Variants in CHST8 observed in about 807,000 individuals in gnomAD.
CHST8 encodes carbohydrate sulfotransferase 8, also known as GALNAC-4-ST1.
Under a neutral mutation model 15.0 loss-of-function variants are expected in CHST8, and 10 were observed. The ratio of observed to expected loss-of-function variants is 0.67; its 90% CI spans 0.41 to 1.13. The LOEUF (loss-of-function observed/expected upper bound fraction) is 1.13. Among genes scored for constraint, CHST8 ranks in the 50% most tolerant of loss-of-function variants. The pLI is 0.00. For missense variants in CHST8, 634 were observed against 608.2 expected (o/e 1.04, Z -0.45); for synonymous variants, 259 against 256.6 (o/e 1.01, Z -0.09).
chr19:33,650,508 T>TTTTCTTTTC (rs1307705596), intron 1 of CHST8, among the ~76,000 whole-genome samples: 1 of 94,408 alleles, frequency 1.1e-5, no homozygotes, highest in African/African-American at 5.5e-5. Context: ...TTTCTTTTTC[T>TTTTCTTTTC]TTTTCTTTTC....
intron 1 of CHST8, among the ~76,000 whole-genome samples, chr19:33,637,991 C>T (rs1972227668): frequency 6.6e-6 from 1 of 151,936 alleles, no homozygotes; most frequent in East Asian, 2.0e-4. Flanking sequence ...AAAGGCTGCG[C>T]CCAAATGAGA....
chr19:33,704,504 G>A (rs1035315554), intron 3 of CHST8, among the ~76,000 whole-genome samples: 1 of 152,244 alleles, frequency 6.6e-6, no homozygotes, highest in African/African-American at 2.4e-5. Flanking sequence ...TGGACAGACA[G>A]GCCCCAGGGC....
chr19:33,640,958 A>G (rs1384216601), intron 1 of CHST8, among the ~76,000 whole-genome samples: 2 of 151,990 alleles, frequency 1.3e-5, no homozygotes, highest in Non-Finnish European at 2.9e-5. Flanking sequence ...GCCCAAAGTC[A>G]CACCCCATCC....
intron 3 of CHST8, among the ~76,000 whole-genome samples, chr19:33,716,502 G>A (rs1973668189): frequency 6.6e-6 from 1 of 152,160 alleles, no homozygotes; most frequent in Non-Finnish European, 1.5e-5. Flanking sequence ...CAGTAGCTGG[G>A]ACTACAGGTG....
chr19:33,762,094 C>T (rs1032094619), intron 3 of CHST8, among the ~76,000 whole-genome samples: 6 of 152,332 alleles, frequency 3.9e-5, no homozygotes, highest in African/African-American at 1.4e-4. Context: ...CACACCTGAT[C>T]CCATGCGACA....
At chr19:33,771,485 A>T (rs1422728312) in intron 4 of CHST8, 35 bp downstream of exon 4, 1 of 1,609,956 alleles carries the variant, frequency 6.2e-7, no homozygotes, top group East Asian at 2.2e-5. Context: ...CTCAGTGCAC[A>T]CAGCCCTTGG....
At chr19:33,684,864 C>G (rs1370368900) in intron 2 of CHST8, 1 of 152,198 alleles carries the variant, frequency 6.6e-6, no homozygotes, top group Non-Finnish European at 1.5e-5. Context: ...AAGGTGACGG[C>G]AGTGCCTGGC....
At chr19:33,722,107 GGAT>G (rs879787470) in intron 3 of CHST8, among the ~76,000 whole-genome samples, 25,857 of 133,916 alleles carry the variant, frequency 0.19, 2,659 homozygotes, top group African/African-American at 0.28. Flanking sequence ...ATGGATGGAT[GGAT>G]GAAGGGATGG....
At position 33,671,775 on chromosome 19, in the gene CHST8, C is replaced by T. The variant is rs1442383987; in HGVS notation, c.-87+3932C>T. On this transcript the variant is annotated intron_variant, in intron 2 of 4. Coordinates refer to ENST00000650847, the MANE Select transcript of CHST8 (RefSeq NM_001127895.2). Reference sequence around the variant, plus strand: ...CCCTCTAAGGTTATATATAATCTGCCTCTCTCCTGCTTGGAGTGGAATTCT... The same window carrying T: ...CCCTCTAAGGTTATATATAATCTGCTTCTCTCCTGCTTGGAGTGGAATTCT... Among the ~76,000 whole-genome samples the T allele has an allele frequency of 2.6e-5, 4 of 151,838 alleles. No homozygotes were observed. The East Asian group carries it at 7.9e-4, about 30-fold the overall frequency.
In CHST8 at chr19:33,702,607, C is replaced by T. The variant is rs569959730; in HGVS notation, c.130+13216C>T. On this transcript the variant is annotated intron_variant, in intron 3 of 4. Coordinates refer to ENST00000650847, the MANE Select transcript of CHST8 (RefSeq NM_001127895.2). ...CTGGGCAGGGTCCAGGAGGGGCAGG[C>T]GGTTCCGATGCTTGTCCTGCGTCCC... Among the ~76,000 whole-genome samples, 34 of 152,338 alleles carry T rather than the reference C, an allele frequency of 2.2e-4. 1 individual carries two copies. The East Asian group carries it at 6.2e-3, about 28-fold the overall frequency.
At chr19:33,665,244 C>T (rs1218413310) in intron 1 of CHST8, among the ~76,000 whole-genome samples, 1 of 152,304 alleles carries the variant, frequency 6.6e-6, no homozygotes, top group Admixed American at 6.5e-5. Context: ...CATATCCTTA[C>T]TAGCATCTGT....
chr19:33,700,031 G>T (rs1223831313), intron 3 of CHST8, among the ~76,000 whole-genome samples: 1 of 152,160 alleles, frequency 6.6e-6, no homozygotes, highest in African/African-American at 2.4e-5. Flanking sequence ...GGCTGCAGGG[G>T]AAATATGTCT....
intron 1 of CHST8, among the ~76,000 whole-genome samples, chr19:33,645,533 G>C: frequency 6.6e-6 from 1 of 152,132 alleles, no homozygotes; most frequent in South Asian, 2.1e-4. Flanking sequence ...TGGGGTGTGA[G>C]GAAGAGATAG....
intron 4 of CHST8, 25 bp downstream of exon 4, chr19:33,771,475 C>G (rs1221760905): frequency 6.2e-7 from 1 of 1,612,244 alleles, no homozygotes; most frequent in African/African-American, 1.3e-5. Flanking sequence ...TCAGATAAAT[C>G]TCAGTGCACA....
chr19:33,701,799 C>T (rs1973341517), intron 3 of CHST8, among the ~76,000 whole-genome samples: 1 of 152,204 alleles, frequency 6.6e-6, no homozygotes, highest in Non-Finnish European at 1.5e-5. Flanking sequence ...CCCTCGCCCT[C>T]CTCGGCAGGC....
intron 3 of CHST8, among the ~76,000 whole-genome samples, chr19:33,757,398 GAAAGAAA>G (rs1974571754): frequency 2.0e-4 from 1 of 4,966 alleles, no homozygotes. Flanking sequence ...AAGAAAGAAA[GAAAGAAA>G]GAAAGAAAGA....
At chr19:33,725,387 G>T (rs1325367773) in intron 3 of CHST8, among the ~76,000 whole-genome samples, 2 of 152,144 alleles carry the variant, frequency 1.3e-5, no homozygotes, top group African/African-American at 4.8e-5. Flanking sequence ...TCCTGGTAAT[G>T]AAATCTGTGA....
intron 3 of CHST8, among the ~76,000 whole-genome samples, chr19:33,732,272 G>A (rs981307605): frequency 3.9e-5 from 6 of 152,146 alleles, no homozygotes; most frequent in African/African-American, 9.6e-5. Context: ...CAAGGCTCAC[G>A]CCTAATAAAT....
chr19:33,736,958 G>A (rs1406314439), intron 3 of CHST8, among the ~76,000 whole-genome samples: 1 of 152,122 alleles, frequency 6.6e-6, no homozygotes, highest in East Asian at 1.9e-4. Flanking sequence ...GCAACCTCCG[G>A]TTACCCTTAC....
Sources: gnomAD v4.1 joint callset for allele counts (sites outside exome capture counted in the v4.1 genomes callset) on GRCh38, gnomAD v4.1.1 for gene constraint, MANE v1.5 for transcripts, NCBI Gene and HGNC (gene_info 2026-07-23, HGNC 2026-07-21) for gene names.